The following TULP4 variants were observed in gnomAD, a reference collection of about 807,000 sequenced individuals.
TULP4 encodes TUB like protein 4.
In TULP4, 16 loss-of-function variants were observed where a neutral mutation model predicts 129.0. The ratio of observed to expected loss-of-function variants is 0.12; its 90% CI spans 0.08 to 0.19. TULP4 has a LOEUF of 0.19. TULP4 is among the 10% of genes least tolerant of loss of function. The probability of loss-of-function intolerance (pLI) is 1.00; values close to 1 mark genes in which losing one functional copy is unlikely to be tolerated. For synonymous variants in TULP4, 998 were observed against 854.0 expected (o/e 1.17, Z -2.94); for missense variants, 1,842 against 2,059.1 (o/e 0.89, Z 2.04).
At chr6:158,486,974 G>A (rs911802656) in intron 8 of TULP4, among the ~76,000 whole-genome samples, 3 of 152,064 alleles carry the variant, frequency 2.0e-5, no homozygotes, top group East Asian at 1.9e-4. Flanking sequence ...ATGGCCAGGT[G>A]CAGTGGCTCA....
chr6:158,401,521 G>A (rs762090191), intron 1 of TULP4, among the ~76,000 whole-genome samples: 1 of 152,208 alleles, frequency 6.6e-6, no homozygotes, highest in Non-Finnish European at 1.5e-5. Context: ...GAAGTAAAAT[G>A]TGAATGTTAG....
chr6:158,455,494 T>C (rs1779271350), intron 5 of TULP4, among the ~76,000 whole-genome samples: 1 of 151,990 alleles, frequency 6.6e-6, no homozygotes, highest in Non-Finnish European at 1.5e-5. Flanking sequence ...CCCAGCACTT[T>C]GGGAGGCTGA....
chr6:158,501,271 C>T (rs2128262703), intron 12 of TULP4, among the ~76,000 whole-genome samples: 1 of 152,278 alleles, frequency 6.6e-6, no homozygotes, highest in South Asian at 2.1e-4. Flanking sequence ...TATTCAGAGG[C>T]CTAGGCACTG....
chr6:158,381,377 A>G (rs1302487699), intron 1 of TULP4, among the ~76,000 whole-genome samples: 1 of 152,232 alleles, frequency 6.6e-6, no homozygotes, highest in Non-Finnish European at 1.5e-5. Flanking sequence ...CCTGTAATCA[A>G]ACGTAATATT....
At chr6:158,494,660 TTAAG>T (rs1385074964) in intron 10 of TULP4, 89 bp from the exon 11 acceptor site, 8 of 1,191,428 alleles carry the variant, frequency 6.7e-6, no homozygotes, top group Admixed American at 4.0e-5. Flanking sequence ...CACTCGTGGC[TTAAG>T]TAATAAATAT....
chr6:158,511,184 G>A lies in TULP4; in HGVS notation c.*4490G>A, dbSNP rs1780732402. The A allele has an allele frequency of 6.6e-6, 1 of 152,384 alleles. No individual in the cohort carries two copies. The highest frequency in any genetic ancestry group is 2.1e-4 in the South Asian group (1 of 4,820). 9.4% of individuals were successfully genotyped at this position (152,384 alleles called of 1,614,324 possible). ...GTTTACAGTTCTTTTTAAGGGGAGG[G>A]GTAGGGTTCTAAGATCTTGTTGTTT... On this transcript the variant is annotated 3_prime_UTR_variant, in exon 14 of 14. Transcript: ENST00000367097.
intron 1 of TULP4, among the ~76,000 whole-genome samples, chr6:158,343,645 G>C (rs1433084359): frequency 1.3e-5 from 2 of 152,106 alleles, no homozygotes; most frequent in Admixed American, 6.5e-5. Flanking sequence ...CTGGCCCCCT[G>C]ATCTCAGACT....
In TULP4 at chr6:158,290,819, C is replaced by A. The variant is rs537351218; in HGVS notation, n.116+8441C>A. ...TTTTTTAGTTTTCTACCTTCCCCCC[C>A]ACATTTGTCATAGACACAGTCTAGT... On this transcript the variant is annotated intron_variant and non_coding_transcript_variant, in intron 1 of 1. Transcript: ENST00000432358. Among the ~76,000 whole-genome samples the A allele has an allele frequency of 4.6e-5, 7 of 152,148 alleles. No individual in the cohort carries two copies. The East Asian group carries it at 5.8e-4, about 13-fold the overall frequency.
intron 1 of TULP4, among the ~76,000 whole-genome samples, chr6:158,258,402 T>C (rs1000343348): frequency 6.6e-6 from 1 of 152,222 alleles, no homozygotes; most frequent in Non-Finnish European, 1.5e-5. Flanking sequence ...ATGTTTTTCA[T>C]ATTATGACCC....
intron 1 of TULP4, among the ~76,000 whole-genome samples, chr6:158,348,173 G>GTTTGTTTTTTTT (rs1780359871): frequency 1.1e-4 from 12 of 112,160 alleles, no homozygotes; most frequent in African/African-American, 4.2e-4. Flanking sequence ...TTTTTTTAAG[G>GTTTGTTTTTTTT]TTTTTTTTTT....
chr6:158,329,584 T>G (rs765849714), intron 1 of TULP4, among the ~76,000 whole-genome samples: 4 of 152,018 alleles, frequency 2.6e-5, no homozygotes, highest in Non-Finnish European at 4.4e-5. Flanking sequence ...GCAGTATGAG[T>G]TAATGTTTAG....
intron 3 of TULP4, among the ~76,000 whole-genome samples, chr6:158,431,140 T>G: frequency 6.6e-6 from 1 of 152,204 alleles, no homozygotes; most frequent in East Asian, 1.9e-4. Flanking sequence ...ATGCTTAGAT[T>G]CCTTTATTAT....
intron 1 of TULP4, among the ~76,000 whole-genome samples, chr6:158,236,972 A>T (rs565003345): frequency 4.6e-5 from 7 of 151,534 alleles, no homozygotes; most frequent in Non-Finnish European, 1.0e-4. Context: ...CACCACACCC[A>T]GCTAATTTTT....
chr6:158,429,603 A>G, intron 2 of TULP4, 133 bp from the exon 3 acceptor site: 2 of 1,011,870 alleles, frequency 2.0e-6, no homozygotes, highest in South Asian at 1.9e-5. Context: ...TATAGCTTTC[A>G]AATAACATAT....
chr6:158,311,484 T>C (rs1343305375), upstream of TULP4, among the ~76,000 whole-genome samples: 5 of 152,230 alleles, frequency 3.3e-5, no homozygotes, highest in African/African-American at 1.2e-4. Context: ...AGAGACAGAT[T>C]CTCTAGAACT....
chr6:158,413,245 C>A lies in TULP4; in HGVS notation c.381+52C>A, dbSNP rs1168257152. On this transcript the variant is annotated intron_variant, in intron 2 of 13. Transcript: ENST00000367097. The surrounding 1 kb of genome is among the most constrained non-coding windows in gnomAD (Gnocchi z 4.9). Reference sequence around the variant, plus strand: ...TGAAGGGCTGCGGGGTAGAGGACTCCCAGACAGGCATTCCGGAGCCAGTGC... The same window carrying A: ...TGAAGGGCTGCGGGGTAGAGGACTCACAGACAGGCATTCCGGAGCCAGTGC... 5 of 1,556,448 alleles carry A rather than the reference C, an allele frequency of 3.2e-6. No individual in the cohort carries two copies. The African/African-American group carries it at 5.4e-5, about 17-fold the overall frequency.
At chr6:158,351,482 AT>A (rs1473116031) in intron 1 of TULP4, among the ~76,000 whole-genome samples, 6 of 152,122 alleles carry the variant, frequency 3.9e-5, no homozygotes, top group African/African-American at 1.4e-4. Context: ...TTAAAATTGT[AT>A]TGCCTGTTTA....
intron 2 of TULP4, among the ~76,000 whole-genome samples, chr6:158,421,089 C>T (rs1416520199): frequency 1.3e-5 from 2 of 152,014 alleles, no homozygotes; most frequent in South Asian, 2.1e-4. Flanking sequence ...TGGCCGGGCG[C>T]GGTGGCTCAC....
At chr6:158,357,073 A>G (rs1057485334) in intron 1 of TULP4, among the ~76,000 whole-genome samples, 2 of 152,182 alleles carry the variant, frequency 1.3e-5, no homozygotes, top group Admixed American at 1.3e-4. Flanking sequence ...ACCTCTGCCC[A>G]CAGCCCCCAG....
Sources: allele counts gnomAD v4.1 joint callset (sites outside exome capture counted in the v4.1 genomes callset), GRCh38; gene constraint gnomAD v4.1.1; non-coding constraint Gnocchi (gnomAD v3.1); transcripts MANE v1.5; gene names NCBI Gene and HGNC (gene_info 2026-07-23, HGNC 2026-07-21).